RBM20: variants seen among roughly 807,000 people sequenced by gnomAD.
RBM20 encodes the protein RNA-binding protein 20.
RBM20 carries 51 observed loss-of-function variants against 110.1 expected under a neutral mutation model. The observed-to-expected ratio is 0.46, with a 90% CI of 0.37 to 0.59. RBM20 has a LOEUF of 0.59. Among genes scored for constraint, RBM20 ranks in the 20% least tolerant of loss-of-function variants. RBM20 has a pLI of 0.00. For missense variants in RBM20, 1,512 were observed against 1,574.9 expected (o/e 0.96, Z 0.68); for synonymous variants, 589 against 618.2 (o/e 0.95, Z 0.70).
intron 1 of RBM20, among the ~76,000 whole-genome samples, chr10:110,762,815 G>A (rs995035176): frequency 6.6e-6 from 1 of 152,194 alleles, no homozygotes; most frequent in Non-Finnish European, 1.5e-5. Flanking sequence ...GTGGTGGGGC[G>A]CTTTTCAATA....
At chr10:110,780,640 T>C (rs1564843561) in intron 1 of RBM20, among the ~76,000 whole-genome samples, 161 bp from the exon 2 acceptor site, 1 of 149,930 alleles carries the variant, frequency 6.7e-6, no homozygotes, top group Non-Finnish European at 1.5e-5. Context: ...TTTTTTTTAA[T>C]GTGTATGTGT....
intron 6 of RBM20, among the ~76,000 whole-genome samples, chr10:110,799,325 T>TAACAATG (rs1293462803): frequency 2.0e-5 from 3 of 152,192 alleles, no homozygotes; most frequent in Non-Finnish European, 4.4e-5. Flanking sequence ...ACATAATTAA[T>TAACAATG]AACAATGTCT....
chr10:110,643,668 C>T (rs1861820676), upstream of RBM20, among the ~76,000 whole-genome samples: 1 of 152,214 alleles, frequency 6.6e-6, no homozygotes, highest in Admixed American at 6.5e-5. Context: ...CAGAAACCCA[C>T]GGTGGCCCCA....
chr10:110,830,971 C>T (rs932917016), intron 12 of RBM20, 90 bp from the exon 13 acceptor site: 23 of 1,328,560 alleles, frequency 1.7e-5, no homozygotes, highest in Non-Finnish European at 2.2e-5. Flanking sequence ...GAGCTCGTGG[C>T]TCCCATTTCT....
intron 1 of RBM20, among the ~76,000 whole-genome samples, chr10:110,749,984 A>T (rs1301588829): frequency 6.6e-6 from 1 of 152,250 alleles, no homozygotes; most frequent in African/African-American, 2.4e-5. Flanking sequence ...AGTGAAAAAA[A>T]TGATAAATTT....
At position 110,676,970 on chromosome 10, in the gene RBM20, A is replaced by C. The variant is rs562048601; in HGVS notation, c.191+32325A>C. 2.4e-4 allele frequency among the ~76,000 whole-genome samples: 37 copies of C among 152,372 alleles called. No homozygotes were observed. The Middle Eastern group carries it at 0.01, about 42-fold the overall frequency. On this transcript the variant is annotated intron_variant, in intron 1 of 13. Coordinates refer to ENST00000369519, the MANE Select transcript of RBM20 (RefSeq NM_001134363.3). The stretch of plus-strand genomic sequence containing the variant: ...CAGATAGATACTTGTAGACTGTCTT[A>C]GGCTGTTTTCTGTTGCTTTTAACAG...
intron 1 of RBM20, among the ~76,000 whole-genome samples, chr10:110,690,583 C>T (rs1034011290): frequency 6.6e-6 from 1 of 152,202 alleles, no homozygotes; most frequent in Non-Finnish European, 1.5e-5. Context: ...CTCTAGGCTA[C>T]TTTCTGTCTC....
At chr10:110,749,885 C>T (rs896672202) in intron 1 of RBM20, among the ~76,000 whole-genome samples, 2 of 152,008 alleles carry the variant, frequency 1.3e-5, no homozygotes, top group African/African-American at 2.4e-5. Flanking sequence ...AATGTTAACA[C>T]TGTCAGAAGC....
chr10:110,703,292 C>T lies in RBM20; in HGVS notation c.191+58647C>T, dbSNP rs940142930. Among the ~76,000 whole-genome samples the T allele has an allele frequency of 7.9e-5, 12 of 151,432 alleles. 1 individual carries two copies. In the South Asian group the frequency reaches 2.5e-3, roughly 32 times the overall value. ...ACTCGGGAGGCTGAGGCAGGACAAT[C>T]GCTTGACCCCAGGAGGCGGAGGTTG... is the stretch of plus-strand genomic sequence containing the variant. On this transcript the variant is annotated intron_variant, in intron 1 of 13. Transcript: ENST00000369519.
chr10:110,803,059 A>T (rs1844650208), intron 7 of RBM20, among the ~76,000 whole-genome samples: 2 of 151,958 alleles, frequency 1.3e-5, no homozygotes, highest in South Asian at 4.1e-4. Flanking sequence ...AATAGCAGTA[A>T]TTATAAGAGT....
At chr10:110,767,271 C>G (rs1235916125) in intron 1 of RBM20, among the ~76,000 whole-genome samples, 3 of 140,954 alleles carry the variant, frequency 2.1e-5, no homozygotes, top group Admixed American at 6.8e-5. Flanking sequence ...GGGCTCCTCA[C>G]TTCCCAGTAG....
chr10:110,750,015 A>G, intron 1 of RBM20, among the ~76,000 whole-genome samples: 1 of 152,368 alleles, frequency 6.6e-6, no homozygotes, highest in East Asian at 1.9e-4. Flanking sequence ...AAGTATTATG[A>G]TTTATAGGTG....
At chr10:110,783,804 C>T (rs1470670841) in intron 3 of RBM20, among the ~76,000 whole-genome samples, 2 of 152,200 alleles carry the variant, frequency 1.3e-5, no homozygotes, top group South Asian at 2.1e-4. Flanking sequence ...GCATTTAGCA[C>T]ATTCACGACA....
chr10:110,799,745 A>G (rs755313638), intron 6 of RBM20, 42 bp from the exon 7 acceptor site: 35 of 1,535,742 alleles, frequency 2.3e-5, no homozygotes, highest in African/African-American at 2.8e-5. Flanking sequence ...GTTTAAGACC[A>G]TTAAAGTCAA....
intron 1 of RBM20, among the ~76,000 whole-genome samples, chr10:110,744,399 C>T (rs989767160): frequency 6.6e-5 from 10 of 152,042 alleles, no homozygotes; most frequent in African/African-American, 1.7e-4. Context: ...GGCTGGGAAA[C>T]GCCACTACCA....
At chr10:110,658,950 C>T (rs373871774) in intron 1 of RBM20, among the ~76,000 whole-genome samples, 5 of 152,120 alleles carry the variant, frequency 3.3e-5, no homozygotes, top group African/African-American at 7.2e-5. Context: ...AGCATTTGTC[C>T]GTGCTCTCCT....
intron 1 of RBM20, among the ~76,000 whole-genome samples, chr10:110,742,061 C>CT (rs1268384091): frequency 6.6e-6 from 1 of 152,186 alleles, no homozygotes; most frequent in African/African-American, 2.4e-5. Context: ...GTGCTCCACC[C>CT]TTTTTTGTAG....
intron 1 of RBM20, among the ~76,000 whole-genome samples, chr10:110,778,642 A>C (rs117738609): frequency 1.1e-3 from 172 of 152,366 alleles, no homozygotes; most frequent in Non-Finnish European, 2.1e-3. Context: ...CCAGTTTTCC[A>C]GTCCCCTTCT....
intron 1 of RBM20, among the ~76,000 whole-genome samples, chr10:110,749,421 AAATT>A (rs1296055223): frequency 6.6e-6 from 1 of 152,256 alleles, no homozygotes; most frequent in African/African-American, 2.4e-5. Flanking sequence ...ACCTAGAAAA[AAATT>A]AAATAAAATA....
Sources: gnomAD v4.1 joint callset for allele counts (sites outside exome capture counted in the v4.1 genomes callset) on GRCh38, gnomAD v4.1.1 for gene constraint, MANE v1.5 for transcripts, NCBI Gene and HGNC (gene_info 2026-07-23, HGNC 2026-07-21) for gene names.